SPTBN5: variants seen among roughly 807,000 people sequenced by gnomAD.
The protein encoded by SPTBN5 is spectrin beta chain, non-erythrocytic 5.
A neutral mutation model predicts 477.6 loss-of-function variants in SPTBN5; 513 were observed. That is an observed-to-expected ratio of 1.07 (90% CI 1.00 to 1.16). The LOEUF is 1.16. Among genes scored for constraint, SPTBN5 ranks in the 50% most tolerant of loss-of-function variants. SPTBN5 has a pLI of 0.00. For synonymous variants in SPTBN5, 2,169 were observed against 2,011.7 expected (o/e 1.08, Z -2.09); for missense variants, 5,062 against 4,731.8 (o/e 1.07, Z -2.05).
Position 41,858,740 on chromosome 15 carries a change from C to T in SPTBN5, c.8088G>A (p.Ala2696=), listed in dbSNP as rs769449940. 23 of 1,609,520 alleles carry T rather than the reference C, an allele frequency of 1.4e-5. No individual in the cohort carries two copies. Among genetic ancestry groups the T allele is most frequent in the Non-Finnish European group, 1.7e-5 (20 of 1,178,546 alleles). The stretch of plus-strand genomic sequence containing the variant: ...CCACCAGGTTCTTCTCCCTCAGCCA[C>T]GCAGCCACCTGGGCACATGGGGAGG... ...AFLQDSQEVA[A]WLREKNLVAL... The change falls in exon 49 of 68, where the codon GCG becomes GCA. Residue 2696 remains alanine, a synonymous_variant. Transcript: ENST00000320955.
In SPTBN5 at chr15:41,881,930, C is replaced by A. The variant is rs201975433; in HGVS notation, c.2457+6G>T. ...ACCAGGCGCCCTTCCCTGTCCCCGT[C>A]CTCACCGTGAATAACGACGCCCGGG... On this transcript the variant is annotated splice_donor_region_variant and intron_variant, in intron 12 of 67. Coordinates refer to ENST00000320955, the MANE Select transcript of SPTBN5 (RefSeq NM_016642.4). 3.9e-6 allele frequency: 6 copies of A among 1,528,160 alleles called. No homozygotes were observed. In the South Asian group the frequency reaches 4.8e-5, roughly 12 times the overall value. The allele number at this position is 1,528,160 out of a possible 1,614,324, so 94.7% of individuals were successfully genotyped here.
chr15:41,873,165 C>T (rs761301547), intron 26 of SPTBN5, among the ~76,000 whole-genome samples: 5 of 152,150 alleles, frequency 3.3e-5, no homozygotes, highest in African/African-American at 9.6e-5. Context: ...AGATGTGGAG[C>T]GGGCTGGGCA....
At chr15:41,890,933 A>G (rs978243079) in intron 3 of SPTBN5, among the ~76,000 whole-genome samples, 2 of 152,214 alleles carry the variant, frequency 1.3e-5, no homozygotes, top group Non-Finnish European at 2.9e-5. Flanking sequence ...TCCAAGGCCC[A>G]TGGGATTCTT....
intron 63 of SPTBN5, 33 bp downstream of exon 63, chr15:41,851,746 A>C (rs372544868): frequency 4.1e-4 from 642 of 1,553,278 alleles, no homozygotes; most frequent in African/African-American, 3.3e-3. Context: ...GCAAGTGGGG[A>C]GCTGCCTGGA....
At chr15:41,869,387 G>A (rs779849485) in intron 32 of SPTBN5, among the ~76,000 whole-genome samples, 45 of 152,290 alleles carry the variant, frequency 3.0e-4, no homozygotes, top group Non-Finnish European at 4.0e-4. Context: ...TCTGGGTTTC[G>A]GGCTCATCTC....
intron 38 of SPTBN5, 38 bp downstream of exon 38, chr15:41,866,000 C>A (rs1235329267): frequency 6.5e-7 from 1 of 1,547,356 alleles, no homozygotes. Context: ...GAGGGCTCCT[C>A]CCCCCATCTC....
At chr15:41,856,329 C>A (rs144717950) in intron 53 of SPTBN5, 57 bp downstream of exon 53, 1 of 1,435,892 alleles carries the variant, frequency 7.0e-7, no homozygotes, top group South Asian at 1.5e-5. Flanking sequence ...ACCTCCCAGC[C>A]GCACTCGCCC....
At chr15:41,892,551 G>T (rs1405254029) in intron 3 of SPTBN5, among the ~76,000 whole-genome samples, 1 of 152,140 alleles carries the variant, frequency 6.6e-6, no homozygotes, top group African/African-American at 2.4e-5. Flanking sequence ...AATAATTCAG[G>T]GCCTCTGTTT....
rs763788049 is a variant in SPTBN5, at chr15:41,853,268, A to T, written c.10160T>A (p.Met3387Lys). 1.2e-6 allele frequency: 2 copies of T among 1,604,880 alleles called. No homozygotes were observed. The change falls in exon 59 of 68, where the codon ATG becomes AAG. Residue 3387 changes from methionine to lysine, a missense_variant. By Grantham distance (95) the Met-to-Lys change is moderately conservative. Coordinates refer to ENST00000320955, the MANE Select transcript of SPTBN5 (RefSeq NM_016642.4). ...GQQLVDNSHF[M>K]SAEVTECLQE... is the part of the protein sequence containing the mutation. The stretch of plus-strand genomic sequence containing the variant: ...CCTCTGAGTTCACACCTCCGCAGAC[A>T]TGAAGTGGCTGTTGTCCACCAGCTG...
At position 41,874,274 on chromosome 15, in the gene SPTBN5, G is replaced by A; in HGVS notation, c.4689+18C>T. 1.3e-6 allele frequency: 2 copies of A among 1,596,872 alleles called. No individual in the cohort carries two copies. Among genetic ancestry groups the A allele is most frequent in the Non-Finnish European group, 1.7e-6 (2 of 1,170,082 alleles). On this transcript the variant is annotated intron_variant, in intron 24 of 67. Transcript: ENST00000320955. ...GAAGCGGATGTCGGTAATCCTGTAG[G>A]AAGAAGAGGGCTATTACCTTGTGCT...
rs1351356406 is a variant in SPTBN5, at chr15:41,857,351, C to A, written c.8508G>T (p.Val2836=). 1 of 1,573,134 alleles carries A rather than the reference C, an allele frequency of 6.4e-7. No homozygotes were observed. Among genetic ancestry groups the A allele is most frequent in the Admixed American group, 1.8e-5 (1 of 54,056 alleles). ...LGTQRELEAA[V]DKKARQAEAL... ...CCTCAGCCTGCCTGGCCTTCTTGTC[C>A]ACTGCTGCCTCCAGCTCCCTCTGTG... is the stretch of plus-strand genomic sequence containing the variant. Residue 2836 remains valine (V), a synonymous_variant, in exon 51 of 68, where the codon GTG becomes GTT. Transcript: ENST00000320955.
At chr15:41,867,363 G>C (rs969838287) in intron 35 of SPTBN5, among the ~76,000 whole-genome samples, 175 bp downstream of exon 35, 1 of 151,996 alleles carries the variant, frequency 6.6e-6, no homozygotes, top group Non-Finnish European at 1.5e-5. Context: ...ATCTCCCCCT[G>C]GGCCCTCTTC....
rs574943552 is a variant in SPTBN5 at position 41,849,974 on chromosome 15, A to G, written c.10922-15T>C. Reference sequence around the variant, plus strand: ...CAGACTCTGGGCTGCAGAGCAAGGGAATAACCACTGTTAGCCCGGCCCAGA... The same window carrying G: ...CAGACTCTGGGCTGCAGAGCAAGGGGATAACCACTGTTAGCCCGGCCCAGA... On this transcript the variant is annotated splice_polypyrimidine_tract_variant and intron_variant, in intron 66 of 67. Transcript: ENST00000320955. 4 of 1,573,184 alleles carry G rather than the reference A, an allele frequency of 2.5e-6. No homozygotes were observed. The highest frequency in any genetic ancestry group is 3.5e-6 in the Non-Finnish European group (4 of 1,158,136).
chr15:41,851,052 C>T lies in SPTBN5; in HGVS notation c.10835+7G>A, dbSNP rs374282696. 5.8e-5 allele frequency: 94 copies of T among 1,610,142 alleles called. No homozygotes were observed. Among genetic ancestry groups the T allele is most frequent in the Middle Eastern group, 1.7e-4 (1 of 6,056 alleles). On this transcript the variant is annotated splice_region_variant and intron_variant, in intron 65 of 67. Transcript: ENST00000320955. ...GGTGATGCCGGAGTCCATGTCTCTC[C>T]GCTCACCTTAAGGAGAATGTGTGTT...
In SPTBN5 at chr15:41,893,487, T is replaced by C. The variant is rs750271282; in HGVS notation, c.11A>G (p.Gln4Arg). The C allele has an allele frequency of 1.2e-5, 19 of 1,583,266 alleles. No homozygotes were observed. Among genetic ancestry groups the C allele is most frequent in the Non-Finnish European group, 1.5e-5 (18 of 1,168,536 alleles). ...GAGGAGCTCCCGGGGACTGTGGGGCTGACCAGCCATCAGCCCTGCAGACTT... is the reference window on the plus strand; with the variant it reads ...GAGGAGCTCCCGGGGACTGTGGGGCCGACCAGCCATCAGCCCTGCAGACTT... MAG[Q>R]PHSPRELLGA... The change falls in exon 2 of 68, where the codon CAG (glutamine) becomes CGG (arginine). Residue 4 changes from glutamine (Q) to arginine (R), a missense_variant. By Grantham distance (43) the Gln-to-Arg change is conservative. Transcript: ENST00000320955.
rs776778803 is a variant in SPTBN5, at chr15:41,868,149, C to T, written c.6127G>A (p.Glu2043Lys). The T allele has an allele frequency of 3.1e-6, 5 of 1,593,012 alleles. No homozygotes were observed. In the Admixed American group the frequency reaches 8.8e-5, roughly 28 times the overall value. Residue 2043 changes from glutamate to lysine, a missense_variant, in exon 34 of 68, where the codon GAG becomes AAG. By Grantham distance (56) the Glu-to-Lys change is moderately conservative (BLOSUM62 1). Coordinates refer to ENST00000320955, the MANE Select transcript of SPTBN5 (RefSeq NM_016642.4). The part of the protein sequence containing the change: ...QVYQTWARKQ[E>K]RLQAEQQEQL... ...TCCTGCTGCTCGGCCTGCAGCCTCT[C>T]TTGCTTCCGTGCCCAGGTCTGATAC...
At chr15:41,870,055 C>T (rs1424535668) in intron 31 of SPTBN5, 35 bp from the exon 32 acceptor site, 1 of 1,459,276 alleles carries the variant, frequency 6.9e-7, no homozygotes, top group Non-Finnish European at 9.1e-7. Flanking sequence ...AGGCAAGGGT[C>T]ATGTCCTCCT....
chr15:41,862,519 C>G lies in SPTBN5; in HGVS notation c.7385+20G>C. 1 of 1,577,690 alleles carries G rather than the reference C, an allele frequency of 6.3e-7. No individual in the cohort carries two copies. The highest frequency in any genetic ancestry group is 8.6e-7 in the Non-Finnish European group (1 of 1,159,750). ...ATGCTGGAGGATGGGTCGGCGAGGG[C>G]AAGGCCTGCGGGTTCATACCGCTTC... On this transcript the variant is annotated intron_variant, in intron 43 of 67. Transcript: ENST00000320955.
At chr15:41,853,969 TG>T in intron 57 of SPTBN5, 80 bp downstream of exon 57, 1 of 1,479,172 alleles carries the variant, frequency 6.8e-7, no homozygotes, top group East Asian at 2.5e-5. Context: ...CAGGCTGGGG[TG>T]GGAGGGCTGA....
Sources: allele counts gnomAD v4.1 joint callset (sites outside exome capture counted in the v4.1 genomes callset), GRCh38; gene constraint gnomAD v4.1.1; transcripts MANE v1.5; gene names NCBI Gene and HGNC (gene_info 2026-07-23, HGNC 2026-07-21).